VTA1: variants seen among roughly 807,000 people sequenced by gnomAD.
VTA1 encodes the protein vacuolar protein sorting-associated protein VTA1 homolog.
A neutral mutation model predicts 36.9 loss-of-function variants in VTA1; 24 were observed. The observed-to-expected ratio is 0.65, with a 90% confidence interval of 0.47 to 0.91. The LOEUF is 0.91. Among genes scored for constraint, VTA1 ranks in the 40% least tolerant of loss-of-function variants. VTA1 has a pLI of 0.00. For synonymous variants in VTA1, 142 were observed against 130.2 expected, an observed-to-expected ratio of 1.09 and a Z score of -0.62; for missense variants, 393 against 377.2, an observed-to-expected ratio of 1.04 and a Z score of -0.35.
intron 4 of VTA1, among the ~76,000 whole-genome samples, chr6:142,172,610 C>T (rs988775418): frequency 2.0e-5 from 3 of 152,174 alleles, no homozygotes; most frequent in African/African-American, 7.2e-5. Flanking sequence ...TATGGATCCA[C>T]CTTTTTAACT....
At chr6:142,186,178 G>A (rs1775335737) in intron 4 of VTA1, among the ~76,000 whole-genome samples, 2 of 151,966 alleles carry the variant, frequency 1.3e-5, no homozygotes, top group Admixed American at 6.6e-5. Flanking sequence ...GCTGGGTGAG[G>A]AAGAAAAAAG....
In VTA1 at chr6:142,169,636, T is replaced by C; in HGVS notation, c.294T>C (p.Phe98=). 6.2e-7 allele frequency: 1 copy of C among 1,609,762 alleles called. No individual in the cohort carries two copies. The highest frequency in any genetic ancestry group is 1.3e-5 in the African/African-American group (1 of 74,972). ...TGGAGAATTATGCTTTGAAAATGTT[T>C]TTGTATGCAGACAATGAAGATCGTG... ...AHLENYALKM[F]LYADNEDRAG... is the part of the protein sequence containing the mutation. The change falls in exon 3 of 8, where the codon TTT becomes TTC. Residue 98 remains phenylalanine (F), a synonymous_variant. Coordinates refer to ENST00000367630, the MANE Select transcript of VTA1 (RefSeq NM_016485.5).
intron 2 of VTA1, among the ~76,000 whole-genome samples, chr6:142,166,877 C>T (rs1236961431): frequency 6.6e-6 from 1 of 152,208 alleles, no homozygotes; most frequent in East Asian, 1.9e-4. Context: ...ACACTCACCT[C>T]AGCCTCCCAA....
chr6:142,154,784 A>G (rs1398797369), intron 1 of VTA1, among the ~76,000 whole-genome samples: 2 of 152,046 alleles, frequency 1.3e-5, no homozygotes, highest in Non-Finnish European at 2.9e-5. Context: ...AAATGTCTTC[A>G]TGTTTTTGCT....
At chr6:142,184,243 G>A (rs141942722) in intron 4 of VTA1, among the ~76,000 whole-genome samples, 17 of 152,222 alleles carry the variant, frequency 1.1e-4, no homozygotes, top group Middle Eastern at 3.4e-3. Flanking sequence ...AAATTGCAGC[G>A]TGGTAATTGT....
chr6:142,159,547 C>T lies in VTA1; in HGVS notation c.113-6681C>T, dbSNP rs184892495. On this transcript the variant is annotated intron_variant, in intron 1 of 7. Coordinates refer to ENST00000367630, the MANE Select transcript of VTA1 (RefSeq NM_016485.5). ...ATTATTATTTTGAGACAAAGTCTTG[C>T]TCTGTTGCCAGGCTGGAATGCAGTG... Among the ~76,000 whole-genome samples the T allele has an allele frequency of 9.0e-4, 131 of 146,206 alleles. 1 individual carries two copies. The East Asian group carries it at 0.023, about 26-fold the overall frequency.
intron 2 of VTA1, among the ~76,000 whole-genome samples, chr6:142,168,488 T>C (rs1246334590): frequency 2.0e-5 from 3 of 151,932 alleles, no homozygotes; most frequent in African/African-American, 7.2e-5. Context: ...GATGCTCAGA[T>C]CTGATACTCC....
intron 5 of VTA1, among the ~76,000 whole-genome samples, chr6:142,194,434 C>T (rs1775508483): frequency 6.6e-6 from 1 of 151,988 alleles, no homozygotes; most frequent in Non-Finnish European, 1.5e-5. Context: ...TAATTTCTTT[C>T]AGCGGTATTT....
intron 7 of VTA1, among the ~76,000 whole-genome samples, chr6:142,217,156 T>C (rs2114691670): frequency 6.6e-6 from 1 of 152,264 alleles, no homozygotes; most frequent in East Asian, 1.9e-4. Flanking sequence ...AATCCCTGAT[T>C]CACAACAGTG....
intron 2 of VTA1, among the ~76,000 whole-genome samples, chr6:142,167,118 A>T (rs1185466431): frequency 6.6e-6 from 1 of 152,162 alleles, no homozygotes; most frequent in African/African-American, 2.4e-5. Flanking sequence ...TGGTTTAGGC[A>T]TCCTTCCCTC....
chr6:142,169,827 A>G, intron 3 of VTA1, 150 bp downstream of exon 3: 1 of 710,878 alleles, frequency 1.4e-6, no homozygotes, highest in Non-Finnish European at 2.0e-6. Context: ...ATTTTAGATT[A>G]CAAATTCGGG....
intron 1 of VTA1, among the ~76,000 whole-genome samples, chr6:142,155,222 G>C (rs368081592): frequency 1.6e-4 from 25 of 152,228 alleles, no homozygotes; most frequent in Admixed American, 1.2e-3. Context: ...TCAGATCCTT[G>C]CTGACATGGC....
At chr6:142,205,295 TTCTC>T (rs1383725380) in intron 7 of VTA1, among the ~76,000 whole-genome samples, 2 of 152,228 alleles carry the variant, frequency 1.3e-5, no homozygotes, top group African/African-American at 4.8e-5. Context: ...TTTTCATTCT[TTCTC>T]TTCTCCTTTT....
rs1161485205 is a variant in VTA1, at chr6:142,218,893, A to G, written c.*250A>G. The G allele has an allele frequency of 2.0e-5, 6 of 301,544 alleles. No individual in the cohort carries two copies. The South Asian group carries it at 3.9e-4, about 20-fold the overall frequency. The allele number at this position is 301,544 out of a possible 1,614,324, so 18.7% of individuals were successfully genotyped here. On this transcript the variant is annotated 3_prime_UTR_variant, in exon 8 of 8. Transcript: ENST00000367630. ...TGTTAGCAAGACCCTAAAAATGTCC[A>G]TTGAACCCTGCTTCAAAAAATGAAA...
chr6:142,217,509 G>A (rs1245113258), intron 7 of VTA1, among the ~76,000 whole-genome samples: 2 of 151,548 alleles, frequency 1.3e-5, no homozygotes, highest in African/African-American at 4.8e-5. Context: ...TGAAATCTTT[G>A]CCTAGGTGAT....
chr6:142,206,038 C>T (rs879748120), intron 7 of VTA1, among the ~76,000 whole-genome samples: 3 of 151,944 alleles, frequency 2.0e-5, no homozygotes, highest in Non-Finnish European at 2.9e-5. Flanking sequence ...GACATTTTAA[C>T]ATCATACTGA....
intron 1 of VTA1, among the ~76,000 whole-genome samples, chr6:142,148,010 C>CT (rs1778488727): frequency 6.6e-6 from 1 of 152,072 alleles, no homozygotes; most frequent in Non-Finnish European, 1.5e-5. Context: ...AGTATTTTCA[C>CT]TTTGAGTGTT....
chr6:142,209,158 CA>C (rs1291025091), intron 7 of VTA1, among the ~76,000 whole-genome samples: 1 of 151,754 alleles, frequency 6.6e-6, no homozygotes, highest in Non-Finnish European at 1.5e-5. Context: ...AAGACTCCAC[CA>C]AAAAACCGTT....
intron 7 of VTA1, among the ~76,000 whole-genome samples, chr6:142,205,613 A>C (rs112947753): frequency 0.013 from 2,017 of 152,282 alleles, 51 homozygotes; most frequent in African/African-American, 0.046. Context: ...ACTTCTTTAG[A>C]TACTCCAAAG....
Sources: allele counts gnomAD v4.1 joint callset (sites outside exome capture counted in the v4.1 genomes callset), GRCh38; gene constraint gnomAD v4.1.1; transcripts MANE v1.5; gene names NCBI Gene and HGNC (gene_info 2026-07-23, HGNC 2026-07-21).